Variants in CRB1 observed in about 807,000 individuals in gnomAD.
The protein encoded by CRB1 is crumbs cell polarity complex component 1, also known as protein crumbs homolog 1.
CRB1 carries 83 observed loss-of-function variants against 120.0 expected under a neutral mutation model. That is an observed-to-expected ratio of 0.69 (90% CI 0.58 to 0.83). The LOEUF is 0.83. CRB1 is among the 40% of genes least tolerant of loss of function. The pLI is 0.00. For synonymous variants in CRB1, 625 were observed against 612.5 expected (o/e 1.02, Z -0.30); for missense variants, 1,699 against 1,687.6 (o/e 1.01, Z -0.12).
chr1:197,205,883 T>A, the CRB1 span, among the ~76,000 whole-genome samples: 8 of 138,478 alleles, frequency 5.8e-5, no homozygotes, highest in South Asian at 1.4e-3. Flanking sequence ...GGTCCTGGAC[T>A]TTTTTTTTTT....
At chr1:197,388,994 A>G (rs1662356318) in intron 5 of CRB1, among the ~76,000 whole-genome samples, 1 of 152,138 alleles carries the variant, frequency 6.6e-6, no homozygotes, top group African/African-American at 2.4e-5. Flanking sequence ...GCAAATCAAA[A>G]CCACAGTGAG....
rs141648888 is a variant in CRB1, at chr1:197,422,067, A to G, written c.2128+111A>G. The G allele has an allele frequency of 8.8e-4, 856 of 977,214 alleles. 8 individuals carry two copies. In the East Asian group the frequency reaches 0.02, roughly 23 times the overall value. The allele number at this position is 977,214 out of a possible 1,614,324, so 60.5% of individuals were successfully genotyped here. On this transcript the variant is annotated intron_variant, in intron 6 of 11. Transcript: ENST00000367400. ...TGCTATGAAACATAATGACCCCACA[A>G]GACTTCTGCTGCTGGTTGCCCACTG...
At chr1:197,300,379 A>C (rs1331492368) in intron 1 of CRB1, among the ~76,000 whole-genome samples, 1 of 151,972 alleles carries the variant, frequency 6.6e-6, no homozygotes, top group African/African-American at 2.4e-5. Context: ...AAATGGTAAA[A>C]AAGTGAAAGA....
intron 1 of CRB1, among the ~76,000 whole-genome samples, chr1:197,278,352 T>A (rs892853275): frequency 6.6e-6 from 1 of 151,906 alleles, no homozygotes; most frequent in South Asian, 2.1e-4. Context: ...TGCTTTGACC[T>A]AGGACTTTCC....
intron 1 of CRB1, among the ~76,000 whole-genome samples, chr1:197,280,690 G>A (rs941559692): frequency 6.6e-6 from 1 of 151,844 alleles, no homozygotes; most frequent in Non-Finnish European, 1.5e-5. Flanking sequence ...TTAATTCTTA[G>A]GGTCAGTTGT....
chr1:197,264,883 C>T (rs1478313588), upstream of CRB1, among the ~76,000 whole-genome samples: 1 of 151,968 alleles, frequency 6.6e-6, no homozygotes, highest in African/African-American at 2.4e-5. Context: ...CCTCAGCCTC[C>T]CAGAGTGCTG....
At chr1:197,235,615 CACT>C in the CRB1 span, among the ~76,000 whole-genome samples, 1 of 152,140 alleles carries the variant, frequency 6.6e-6, no homozygotes, top group South Asian at 2.1e-4. Context: ...CGAAACCACC[CACT>C]GAGTGTAGCA....
intron 5 of CRB1, among the ~76,000 whole-genome samples, chr1:197,393,238 G>A (rs1268325619): frequency 6.6e-6 from 1 of 152,078 alleles, no homozygotes; most frequent in African/African-American, 2.4e-5. Context: ...TGCACAATGT[G>A]TTATCTTTCT....
intron 3 of CRB1, among the ~76,000 whole-genome samples, chr1:197,345,706 C>T (rs538189454): frequency 6.6e-6 from 1 of 151,890 alleles, no homozygotes; most frequent in East Asian, 1.9e-4. Flanking sequence ...TAGGGTTTCA[C>T]CATGTTGGCG....
intron 5 of CRB1, chr1:197,414,150 G>T: frequency 1.1e-5 from 3 of 271,852 alleles, no homozygotes; most frequent in Non-Finnish European, 7.5e-6. Flanking sequence ...ATATATTTAT[G>T]CATTGAGTTT....
Position 197,421,241 on chromosome 1 carries a change from T to C in CRB1, c.1413T>C (p.Cys471=). 6.2e-7 allele frequency: 1 copy of C among 1,614,186 alleles called. No homozygotes were observed. Among genetic ancestry groups the C allele is most frequent in the Non-Finnish European group, 8.5e-7 (1 of 1,180,010 alleles). ...GCCAGCATGGATTCAGCTGCCTATG[T>C]CCATCTGGCTACACCGGGTCCCTGT... ...QDGQHGFSCL[C]PSGYTGSLCE... The change falls in exon 6 of 12, where the codon TGT becomes TGC. Residue 471 remains cysteine (C), a synonymous_variant. Transcript: ENST00000367400.
intron 5 of CRB1, among the ~76,000 whole-genome samples, chr1:197,419,752 A>G (rs1003572358): frequency 2.0e-5 from 3 of 150,368 alleles, no homozygotes; most frequent in African/African-American, 7.3e-5. Flanking sequence ...AGGCGGGTGG[A>G]TCACGAGGTC....
chr1:197,470,018 C>T (rs1272556841), intron 11 of CRB1, among the ~76,000 whole-genome samples: 1 of 152,170 alleles, frequency 6.6e-6, no homozygotes, highest in Non-Finnish European at 1.5e-5. Context: ...CGTTCCTCTG[C>T]AGGACACATG....
upstream of CRB1, among the ~76,000 whole-genome samples, chr1:197,263,544 AT>A (rs1340316119): frequency 1.3e-5 from 2 of 152,032 alleles, no homozygotes; most frequent in Non-Finnish European, 2.9e-5. Flanking sequence ...CCAATTGTCA[AT>A]TTTTGTTTTT....
chr1:197,248,182 C>T, the CRB1 span, among the ~76,000 whole-genome samples: 4 of 151,936 alleles, frequency 2.6e-5, no homozygotes, highest in Non-Finnish European at 4.4e-5. Context: ...AAGCATTTTA[C>T]TGAGTTCCGA....
the CRB1 span, among the ~76,000 whole-genome samples, chr1:197,208,608 A>C: frequency 6.6e-6 from 1 of 152,210 alleles, no homozygotes; most frequent in Non-Finnish European, 1.5e-5. Context: ...GCTCTGGTGT[A>C]GGTAGCAGGG....
At chr1:197,315,402 G>A (rs990773527) in intron 1 of CRB1, among the ~76,000 whole-genome samples, 15 of 152,266 alleles carry the variant, frequency 9.9e-5, no homozygotes, top group African/African-American at 3.4e-4. Context: ...TAAATGCTAT[G>A]TCAACACAGA....
chr1:197,474,981 T>C (rs940217885), intron 11 of CRB1, among the ~76,000 whole-genome samples: 3 of 152,214 alleles, frequency 2.0e-5, no homozygotes. Context: ...GTTATCTTTA[T>C]TGATAAAACA....
chr1:197,406,773 A>C (rs1303313537), intron 5 of CRB1, among the ~76,000 whole-genome samples: 1 of 152,170 alleles, frequency 6.6e-6, no homozygotes, highest in Non-Finnish European at 1.5e-5. Flanking sequence ...CATTTAGAGA[A>C]ACATATTACC....
Sources: allele counts gnomAD v4.1 joint callset (sites outside exome capture counted in the v4.1 genomes callset), GRCh38; gene constraint gnomAD v4.1.1; transcripts MANE v1.5; gene names NCBI Gene and HGNC (gene_info 2026-07-23, HGNC 2026-07-21).